SORT1: variants seen among roughly 807,000 people sequenced by gnomAD.
The protein encoded by SORT1 is sortilin.
Under a neutral mutation model 101.7 loss-of-function variants are expected in SORT1, and 39 were observed. The ratio of observed to expected loss-of-function variants is 0.38; its 90% CI spans 0.30 to 0.50. The LOEUF (loss-of-function observed/expected upper bound fraction) is 0.50, where lower values mean the gene tolerates loss of function less well. SORT1 is among the 20% of genes least tolerant of loss of function. The probability of loss-of-function intolerance (pLI) is 0.90; values close to 1 mark genes in which losing one functional copy is unlikely to be tolerated. For synonymous variants in SORT1, 396 were observed against 393.7 expected (o/e 1.01, Z -0.07); for missense variants, 878 against 1,040.4 (o/e 0.84, Z 2.15).
chr1:109,374,012 C>T (rs1297329775), intron 1 of SORT1, among the ~76,000 whole-genome samples: 1 of 152,044 alleles, frequency 6.6e-6, no homozygotes, highest in African/African-American at 2.4e-5. Context: ...TCTCTTGAGC[C>T]CAGGAGTTTG....
At chr1:109,338,746 C>G (rs1649009916) in intron 10 of SORT1, among the ~76,000 whole-genome samples, 1 of 152,112 alleles carries the variant, frequency 6.6e-6, no homozygotes, top group Admixed American at 6.5e-5. Context: ...TTTATCATAA[C>G]TTATTTAAAA....
At chr1:109,351,968 GTGTGT>G (rs1557803662) in intron 5 of SORT1, among the ~76,000 whole-genome samples, 100 of 16,120 alleles carry the variant, frequency 6.2e-3, no homozygotes, top group South Asian at 0.052. Context: ...AGGTAGGGGT[GTGTGT>G]GTGTGTGTGT....
At chr1:109,329,144 G>C (rs1557786636) in intron 11 of SORT1, among the ~76,000 whole-genome samples, 2 of 152,202 alleles carry the variant, frequency 1.3e-5, no homozygotes, top group Non-Finnish European at 2.9e-5. Context: ...TTCCCCTGCT[G>C]AAGCCATCTG....
chr1:109,377,683 A>C (rs541629270), intron 1 of SORT1, among the ~76,000 whole-genome samples: 3 of 152,378 alleles, frequency 2.0e-5, no homozygotes, highest in Non-Finnish European at 2.9e-5. Context: ...TCTATATAGA[A>C]GAGAAATTCA....
At chr1:109,369,284 C>T (rs951290513) in intron 2 of SORT1, among the ~76,000 whole-genome samples, 4 of 152,104 alleles carry the variant, frequency 2.6e-5, no homozygotes, top group African/African-American at 9.7e-5. Context: ...ATCATGCCAT[C>T]GCACTCCAAC....
intron 18 of SORT1, 77 bp from the exon 19 acceptor site, chr1:109,314,461 G>T: frequency 6.5e-7 from 1 of 1,531,702 alleles, no homozygotes; most frequent in Non-Finnish European, 8.9e-7. Flanking sequence ...GACTTTCTCA[G>T]TTTTATACAC....
intron 1 of SORT1, chr1:109,392,491 G>A: frequency 2.4e-6 from 1 of 420,118 alleles, no homozygotes; most frequent in Non-Finnish European, 3.2e-6. Flanking sequence ...CAGAACATAA[G>A]CCTTCTTCCA....
At position 109,329,139 on chromosome 1, in the gene SORT1, C is replaced by T. The variant is rs78550005; in HGVS notation, c.1372-1538G>A. Among the ~76,000 whole-genome samples, 164 of 152,302 alleles carry T rather than the reference C, an allele frequency of 1.1e-3. 3 individuals are homozygous for T. The East Asian group carries it at 0.03, about 28-fold the overall frequency. On this transcript the variant is annotated intron_variant, in intron 11 of 19. Coordinates refer to ENST00000256637, the MANE Select transcript of SORT1 (RefSeq NM_002959.7). The stretch of plus-strand genomic sequence containing the variant: ...ATGAGCTACCTGGTAAGGGCTTCCC[C>T]TGCTGAAGCCATCTGTAAAGGCCTA...
At chr1:109,344,353 G>GT (rs1649440416) in intron 8 of SORT1, among the ~76,000 whole-genome samples, 2 of 152,206 alleles carry the variant, frequency 1.3e-5, no homozygotes, top group Admixed American at 1.3e-4. Context: ...CACAAGAAGA[G>GT]TAAGGCCCAC....
At chr1:109,390,798 T>TGTGTGTGTGTGTGCGC (rs749556914) in intron 1 of SORT1, among the ~76,000 whole-genome samples, 1 of 144,864 alleles carries the variant, frequency 6.9e-6, no homozygotes, top group African/African-American at 2.6e-5. Flanking sequence ...TGTGTGTGTG[T>TGTGTGTGTGTGTGCGC]GCGCGCGCGC....
intron 16 of SORT1, 56 bp downstream of exon 16, chr1:109,317,797 T>C (rs1414786270): frequency 2.6e-6 from 3 of 1,155,830 alleles, no homozygotes; most frequent in Non-Finnish European, 3.9e-6. Context: ...GAAGCAGCTT[T>C]CACTCTGAAC....
intron 1 of SORT1, among the ~76,000 whole-genome samples, chr1:109,375,415 C>T (rs971129824): frequency 7.3e-5 from 11 of 151,590 alleles, no homozygotes; most frequent in African/African-American, 2.4e-4. Context: ...AGGTGGCGGG[C>T]GCCTGTAGTA....
At chr1:109,372,714 C>T (rs544533730) in intron 1 of SORT1, among the ~76,000 whole-genome samples, 1 of 151,654 alleles carries the variant, frequency 6.6e-6, no homozygotes, top group African/African-American at 2.4e-5. Context: ...GTCAGGAGTT[C>T]GACTGAAACC....
intron 8 of SORT1, among the ~76,000 whole-genome samples, chr1:109,344,702 ATATT>A (rs1649466145): frequency 6.6e-6 from 1 of 151,918 alleles, no homozygotes; most frequent in African/African-American, 2.4e-5. Flanking sequence ...ACTCACATTT[ATATT>A]TATTTATGAG....
intron 13 of SORT1, among the ~76,000 whole-genome samples, chr1:109,325,298 C>T (rs1274888001): frequency 1.4e-5 from 2 of 141,930 alleles, no homozygotes; most frequent in Admixed American, 7.5e-5. Context: ...AGTGCAGTGG[C>T]GCGATCTCGA....
chr1:109,378,728 AT>A (rs1652023753), intron 1 of SORT1, among the ~76,000 whole-genome samples: 4 of 93,542 alleles, frequency 4.3e-5, no homozygotes, highest in Non-Finnish European at 6.2e-5. Context: ...ATATATATAT[AT>A]ATATATATAT....
At chr1:109,354,070 T>C (rs184619000) in intron 5 of SORT1, among the ~76,000 whole-genome samples, 4 of 152,216 alleles carry the variant, frequency 2.6e-5, no homozygotes, top group Admixed American at 6.6e-5. Context: ...TTGTCCCTTG[T>C]AGCACAAGAA....
intron 10 of SORT1, among the ~76,000 whole-genome samples, chr1:109,338,669 C>T (rs918089357): frequency 3.3e-5 from 5 of 152,134 alleles, no homozygotes; most frequent in Admixed American, 2.0e-4. Context: ...CACTTTATTA[C>T]CTAAACAACA....
chr1:109,391,963 A>G (rs541498937), intron 1 of SORT1, among the ~76,000 whole-genome samples: 124 of 152,386 alleles, frequency 8.1e-4, no homozygotes, highest in African/African-American at 2.9e-3. Context: ...CTACAAATGC[A>G]GTATCTAGTT....
Sources: allele counts gnomAD v4.1 joint callset (sites outside exome capture counted in the v4.1 genomes callset), GRCh38; gene constraint gnomAD v4.1.1; transcripts MANE v1.5; gene names NCBI Gene and HGNC (gene_info 2026-07-23, HGNC 2026-07-21).